C10orf90: variants seen among roughly 807,000 people sequenced by gnomAD.
The protein encoded by C10orf90 is (E2-independent) E3 ubiquitin-conjugating enzyme FATS.
In C10orf90, 56 loss-of-function variants were observed where a neutral mutation model predicts 62.5. That is an observed-to-expected ratio of 0.90 (90% CI 0.72 to 1.12). C10orf90 has a LOEUF of 1.12. Ranked by LOEUF, C10orf90 falls within the 50% of genes most tolerant of loss-of-function variation. The pLI, the probability that C10orf90 is intolerant of heterozygous loss-of-function variation, is 0.00. For missense variants in C10orf90, 970 were observed against 880.4 expected (o/e 1.10, Z -1.29); for synonymous variants, 386 against 340.4 (o/e 1.13, Z -1.47).
chr10:126,565,426 T>TATATTATATA (rs1375705834), intron 2 of C10orf90, among the ~76,000 whole-genome samples: 1 of 57,210 alleles, frequency 1.7e-5, no homozygotes, highest in Non-Finnish European at 3.1e-5. Flanking sequence ...TTATATATAT[T>TATATTATATA]ATATATATTA....
intron 6 of C10orf90, among the ~76,000 whole-genome samples, chr10:126,459,906 C>A (rs1233962489): frequency 6.6e-6 from 1 of 152,220 alleles, no homozygotes; most frequent in Non-Finnish European, 1.5e-5. Flanking sequence ...AGATGCCGGG[C>A]TAGGTGCTTG....
intron 1 of C10orf90, among the ~76,000 whole-genome samples, chr10:126,655,922 G>C (rs1424792893): frequency 6.6e-6 from 1 of 152,012 alleles, no homozygotes; most frequent in African/African-American, 2.4e-5. Context: ...TGGGCCTGGG[G>C]GGGAGAAGAC....
intron 4 of C10orf90, among the ~76,000 whole-genome samples, chr10:126,476,290 C>T (rs971192192): frequency 2.0e-5 from 3 of 152,312 alleles, no homozygotes; most frequent in Non-Finnish European, 4.4e-5. Flanking sequence ...TCAATCACAT[C>T]AACCCAAATT....
intron 8 of C10orf90, among the ~76,000 whole-genome samples, chr10:126,426,476 C>T (rs1440431541): frequency 2.6e-5 from 4 of 152,164 alleles, no homozygotes; most frequent in Non-Finnish European, 4.4e-5. Flanking sequence ...AACTTGTTTC[C>T]AAATACCTTC....
Position 126,666,076 on chromosome 10 carries a change from G to A in C10orf90, c.240+4165C>T, listed in dbSNP as rs777614190. ...ATGTTGTAACACTGGGACTAAATTA[G>A]CCCACATCAGGGTTTCTAGGCCTCA... On this transcript the variant is annotated intron_variant, in intron 1 of 9. Coordinates refer to ENST00000488181, the MANE Select transcript of C10orf90 (RefSeq NM_001350921.2). Among the ~76,000 whole-genome samples the A allele has an allele frequency of 1.3e-4, 20 of 152,302 alleles. 1 individual carries two copies. The highest frequency in any genetic ancestry group is 4.1e-4 in the South Asian group (2 of 4,826).
At chr10:126,596,070 A>G (rs1430081340) in intron 2 of C10orf90, among the ~76,000 whole-genome samples, 2 of 152,008 alleles carry the variant, frequency 1.3e-5, no homozygotes, top group South Asian at 2.1e-4. Context: ...TCAGAATGCC[A>G]AAACTACTAA....
At chr10:126,669,079 G>A (rs929154880) in intron 1 of C10orf90, among the ~76,000 whole-genome samples, 2 of 152,152 alleles carry the variant, frequency 1.3e-5, no homozygotes, top group African/African-American at 4.8e-5. Flanking sequence ...TGAAAATTAT[G>A]CAATGATAAA....
At chr10:126,490,696 C>T (rs1393712344) in intron 4 of C10orf90, among the ~76,000 whole-genome samples, 1 of 152,052 alleles carries the variant, frequency 6.6e-6, no homozygotes, top group Non-Finnish European at 1.5e-5. Context: ...GAAACTTCCT[C>T]AACCTGGTAA....
chr10:126,631,925 C>T (rs963368333), intron 2 of C10orf90, among the ~76,000 whole-genome samples: 2 of 152,080 alleles, frequency 1.3e-5, no homozygotes, highest in Non-Finnish European at 2.9e-5. Flanking sequence ...GCGTCAGACA[C>T]TGACACAGGG....
chr10:126,485,641 A>G (rs1310612456), intron 4 of C10orf90, among the ~76,000 whole-genome samples: 1 of 152,078 alleles, frequency 6.6e-6, no homozygotes, highest in Admixed American at 6.6e-5. Context: ...CTCTGAAGCA[A>G]ATAAAAACCT....
intron 2 of C10orf90, among the ~76,000 whole-genome samples, chr10:126,589,129 G>A (rs1844931237): frequency 6.6e-6 from 1 of 152,134 alleles, no homozygotes; most frequent in African/African-American, 2.4e-5. Context: ...CTGTCTTTGG[G>A]AAATAAGACA....
At chr10:126,459,491 G>C (rs1300326746) in intron 6 of C10orf90, among the ~76,000 whole-genome samples, 2 of 152,234 alleles carry the variant, frequency 1.3e-5, no homozygotes, top group Non-Finnish European at 2.9e-5. Context: ...TGGGAGTGCA[G>C]AGGCAACGTC....
chr10:126,553,368 G>T (rs10794088), intron 2 of C10orf90, among the ~76,000 whole-genome samples: 114,814 of 152,040 alleles, frequency 0.76, 43,542 homozygotes, highest in Middle Eastern at 0.81. Flanking sequence ...AGAGAGTATA[G>T]CTAGTGACAA....
In C10orf90 at chr10:126,546,613, G is replaced by A. The variant is rs529831532; in HGVS notation, c.314-32674C>T. 6.6e-5 allele frequency among the ~76,000 whole-genome samples: 10 copies of A among 152,326 alleles called. No homozygotes were observed. The East Asian group carries it at 1.9e-3, about 29-fold the overall frequency. The stretch of plus-strand genomic sequence containing the variant: ...CCAGGGAGATGTCAGTGGAGGCTGA[G>A]TGGGGAGCAGAGCTCTCCTCACTGC... On this transcript the variant is annotated intron_variant, in intron 2 of 9. Coordinates refer to ENST00000488181, the MANE Select transcript of C10orf90 (RefSeq NM_001350921.2).
chr10:126,607,456 T>A (rs771261911), intron 2 of C10orf90, among the ~76,000 whole-genome samples: 9 of 152,222 alleles, frequency 5.9e-5, no homozygotes, highest in Non-Finnish European at 1.2e-4. Context: ...AGACATTTTT[T>A]CATGATGAAC....
chr10:126,664,916 G>A (rs564375074), intron 1 of C10orf90, among the ~76,000 whole-genome samples: 2 of 152,318 alleles, frequency 1.3e-5, no homozygotes, highest in South Asian at 2.1e-4. Flanking sequence ...AGAATATGGC[G>A]ACAGGGCAGC....
chr10:126,440,863 A>G lies in C10orf90; in HGVS notation c.2189-11013T>C, dbSNP rs185841970. 4.4e-3 allele frequency among the ~76,000 whole-genome samples: 667 copies of G among 152,194 alleles called. 2 individuals carry two copies. The highest frequency in any genetic ancestry group is 0.015 in the African/African-American group (612 of 41,514). ...GGGGAGAGTACTACATCAAGGGAAC[A>G]CCCTGTGGGACAGAAGAATCTGAAC... is the stretch of plus-strand genomic sequence containing the variant. On this transcript the variant is annotated intron_variant, in intron 7 of 9. Transcript: ENST00000488181.
chr10:126,596,637 C>T (rs1023929797), intron 2 of C10orf90, among the ~76,000 whole-genome samples: 4 of 152,194 alleles, frequency 2.6e-5, no homozygotes, highest in African/African-American at 9.7e-5. Flanking sequence ...TACAGTTGTG[C>T]AGAGTCATCT....
At chr10:126,491,295 G>A (rs1379812156) in intron 4 of C10orf90, among the ~76,000 whole-genome samples, 1 of 152,178 alleles carries the variant, frequency 6.6e-6, no homozygotes, top group Non-Finnish European at 1.5e-5. Context: ...AAGATCAGTG[G>A]TTTCCCAGGA....
Sources: gnomAD v4.1 joint callset for allele counts (sites outside exome capture counted in the v4.1 genomes callset) on GRCh38, gnomAD v4.1.1 for gene constraint, MANE v1.5 for transcripts, NCBI Gene and HGNC (gene_info 2026-07-23, HGNC 2026-07-21) for gene names.